The following ANO1 variants were observed in gnomAD, a reference collection of about 807,000 sequenced individuals.
The protein encoded by ANO1 is anoctamin-1.
A neutral mutation model predicts 124.0 loss-of-function variants in ANO1; 59 were observed. That is an observed-to-expected ratio of 0.48 (90% CI 0.39 to 0.59). The LOEUF is 0.59. Among genes scored for constraint, ANO1 ranks in the 20% least tolerant of loss-of-function variants. ANO1 has a pLI of 0.00. For synonymous variants in ANO1, 529 were observed against 532.0 expected, an observed-to-expected ratio of 0.99 and a Z score of 0.08; for missense variants, 1,059 against 1,328.0, an observed-to-expected ratio of 0.80 and a Z score of 3.15.
intron 6 of ANO1, 70 bp downstream of exon 6, chr11:70,108,474 T>G: frequency 1.9e-6 from 3 of 1,539,470 alleles, no homozygotes; most frequent in Non-Finnish European, 2.7e-6. Context: ...GAGTCATCTC[T>G]GTGGGAGGCA....
intron 22 of ANO1, among the ~76,000 whole-genome samples, chr11:70,175,055 G>A (rs1371848086): frequency 6.6e-6 from 1 of 150,984 alleles, no homozygotes; most frequent in Non-Finnish European, 1.5e-5. Context: ...TGTTTGCTCT[G>A]GCACCCTCTG....
At chr11:70,126,869 C>T (rs2046536456) in intron 10 of ANO1, among the ~76,000 whole-genome samples, 2 of 147,462 alleles carry the variant, frequency 1.4e-5, no homozygotes, top group African/African-American at 5.1e-5. Context: ...TCGGTGCAGG[C>T]TGGCACTTGC....
chr11:70,156,111 T>G, intron 15 of ANO1, 123 bp downstream of exon 15: 15 of 1,060,778 alleles, frequency 1.4e-5, no homozygotes, highest in Non-Finnish European at 1.7e-5. Flanking sequence ...CGTGTTTCTC[T>G]GTCTTCCTTC....
Position 70,124,393 on chromosome 11 carries a change from A to C in ANO1, c.941A>C (p.Tyr314Ser). 6.2e-7 allele frequency: 1 copy of C among 1,613,760 alleles called. No individual in the cohort carries two copies. Among genetic ancestry groups the C allele is most frequent in the East Asian group, 2.2e-5 (1 of 44,866 alleles). ...GCACGCTATGGAGTTTTCTATAAGT[A>C]CCAGCCCATCGACCTGGTCAGGTAA... Reference protein sequence around the residue: ...EWARYGVFYKYQPIDLVRKYF... With the variant: ...EWARYGVFYKSQPIDLVRKYF... Residue 314 changes from tyrosine to serine, a missense_variant, in exon 9 of 26, where the codon TAC becomes TCC. Coordinates refer to ENST00000355303, the MANE Select transcript of ANO1 (RefSeq NM_018043.7).
At chr11:70,082,176 T>C (rs2044220750) in intron 1 of ANO1, among the ~76,000 whole-genome samples, 1 of 152,204 alleles carries the variant, frequency 6.6e-6, no homozygotes, top group Non-Finnish European at 1.5e-5. Context: ...AGCCACAGTA[T>C]ACAAGACCCA....
chr11:70,033,631 A>G (rs1440971607), intron 1 of ANO1, among the ~76,000 whole-genome samples: 2 of 152,036 alleles, frequency 1.3e-5, no homozygotes, highest in East Asian at 2.0e-4. Flanking sequence ...TGTTGGATGG[A>G]TGGCTGCAGG....
At chr11:69,973,178 G>C in the ANO1 span, among the ~76,000 whole-genome samples, 5 of 152,142 alleles carry the variant, frequency 3.3e-5, no homozygotes, top group African/African-American at 1.2e-4. Flanking sequence ...CAAGGTGCTG[G>C]GATTACAGGC....
At chr11:70,156,535 C>G (rs1052368936) in intron 15 of ANO1, among the ~76,000 whole-genome samples, 1 of 152,138 alleles carries the variant, frequency 6.6e-6, no homozygotes, top group Admixed American at 6.5e-5. Context: ...GGAAAAATAA[C>G]TATTATGGTC....
At chr11:70,115,642 AC>A (rs2045946785) in intron 7 of ANO1, among the ~76,000 whole-genome samples, 2 of 151,204 alleles carry the variant, frequency 1.3e-5, no homozygotes, top group Admixed American at 6.6e-5. Flanking sequence ...AAACAAACAA[AC>A]AAAAAAAACT....
chr11:70,096,511 G>A (rs947794533), intron 2 of ANO1, among the ~76,000 whole-genome samples: 2 of 152,162 alleles, frequency 1.3e-5, no homozygotes, highest in Non-Finnish European at 2.9e-5. Flanking sequence ...AACAGTGCAT[G>A]CGAGGGATCT....
intron 2 of ANO1, among the ~76,000 whole-genome samples, chr11:70,100,417 C>T (rs575093314): frequency 3.9e-5 from 6 of 152,250 alleles, no homozygotes; most frequent in Non-Finnish European, 5.9e-5. Flanking sequence ...TGAGACCCAG[C>T]GAGGAGAGGA....
At chr11:70,149,246 G>A (rs1031890714) in intron 11 of ANO1, among the ~76,000 whole-genome samples, 5 of 152,216 alleles carry the variant, frequency 3.3e-5, no homozygotes, top group Non-Finnish European at 4.4e-5. Flanking sequence ...TCTGTAAAAT[G>A]GGAGAATGAC....
chr11:70,171,151 G>A, intron 22 of ANO1, 112 bp downstream of exon 22: 1 of 1,401,770 alleles, frequency 7.1e-7, no homozygotes, highest in South Asian at 1.4e-5. Context: ...TCCCTCCTGG[G>A]GCTCTTCACT....
intron 1 of ANO1, among the ~76,000 whole-genome samples, chr11:70,086,059 A>G (rs1285887047): frequency 1.3e-5 from 2 of 152,148 alleles, no homozygotes; most frequent in African/African-American, 4.8e-5. Context: ...GCACTCCATC[A>G]GGGAGGCCCT....
chr11:70,151,664 C>T (rs970888891), intron 12 of ANO1, among the ~76,000 whole-genome samples: 1 of 152,132 alleles, frequency 6.6e-6, no homozygotes, highest in African/African-American at 2.4e-5. Flanking sequence ...ACACACAGTG[C>T]CAAGGAGCCC....
chr11:70,171,099 G>A, intron 22 of ANO1, 60 bp downstream of exon 22: 1 of 1,563,768 alleles, frequency 6.4e-7, no homozygotes, highest in Non-Finnish European at 8.7e-7. Flanking sequence ...TTGGGGAGGG[G>A]GTTGCTCCTC....
intron 1 of ANO1, among the ~76,000 whole-genome samples, chr11:70,056,792 A>C (rs1387660302): frequency 6.8e-6 from 1 of 147,844 alleles, no homozygotes; most frequent in African/African-American, 2.5e-5. Flanking sequence ...TGTTCAAAAG[A>C]CTTGGATGTC....
intron 1 of ANO1, among the ~76,000 whole-genome samples, chr11:70,060,373 G>A (rs1172279244): frequency 6.6e-6 from 1 of 152,170 alleles, no homozygotes; most frequent in African/African-American, 2.4e-5. Flanking sequence ...TAGAAGAACT[G>A]CCATCGATAA....
At chr11:70,135,154 C>G (rs1288651479) in intron 11 of ANO1, among the ~76,000 whole-genome samples, 1 of 152,058 alleles carries the variant, frequency 6.6e-6, no homozygotes, top group Non-Finnish European at 1.5e-5. Context: ...CTCATGGCAC[C>G]CTCCCTCCCT....
Sources: gnomAD v4.1 joint callset for allele counts (sites outside exome capture counted in the v4.1 genomes callset) on GRCh38, gnomAD v4.1.1 for gene constraint, MANE v1.5 for transcripts, NCBI Gene and HGNC (gene_info 2026-07-23, HGNC 2026-07-21) for gene names.